GRXCR1: variants seen among roughly 807,000 people sequenced by gnomAD.
GRXCR1 encodes the protein glutaredoxin domain-containing cysteine-rich protein 1.
In GRXCR1, 27 loss-of-function variants were observed where a neutral mutation model predicts 27.3. The ratio of observed to expected loss-of-function variants is 0.99; its 90% CI spans 0.73 to 1.37. GRXCR1 has a LOEUF of 1.37. Among genes scored for constraint, GRXCR1 ranks in the 40% most tolerant of loss-of-function variants. The pLI, the probability that GRXCR1 is intolerant of heterozygous loss-of-function variation, is 0.00. For synonymous variants in GRXCR1, 122 were observed against 131.1 expected, an observed-to-expected ratio of 0.93 and a Z score of 0.47; for missense variants, 379 against 354.4, an observed-to-expected ratio of 1.07 and a Z score of -0.56.
At chr4:42,940,707 A>C (rs1220694204) in intron 1 of GRXCR1, among the ~76,000 whole-genome samples, 1 of 151,994 alleles carries the variant, frequency 6.6e-6, no homozygotes, top group African/African-American at 2.4e-5. Flanking sequence ...GCATTGATAA[A>C]ATCTTTTGTC....
chr4:43,006,951 G>T (rs1198387107), intron 2 of GRXCR1, among the ~76,000 whole-genome samples: 2 of 152,128 alleles, frequency 1.3e-5, no homozygotes, highest in African/African-American at 2.4e-5. Flanking sequence ...AAGGAAAATA[G>T]AAAAGAACCT....
chr4:42,973,459 G>C (rs1048977786), intron 2 of GRXCR1, among the ~76,000 whole-genome samples: 1 of 151,044 alleles, frequency 6.6e-6, no homozygotes, highest in South Asian at 2.1e-4. Context: ...TCATTTTGGG[G>C]GTCCTTGCCG....
At chr4:42,937,876 A>G (rs1408727460) in intron 1 of GRXCR1, among the ~76,000 whole-genome samples, 1 of 152,020 alleles carries the variant, frequency 6.6e-6, no homozygotes, top group African/African-American at 2.4e-5. Flanking sequence ...ATCAATGTAC[A>G]TGAGGTGTCC....
Position 42,956,452 on chromosome 4 carries a change from A to ATT in GRXCR1, c.385-6427_385-6426dup, listed in dbSNP as rs541047034. On this transcript the variant is annotated intron_variant, in intron 1 of 3. Coordinates refer to ENST00000399770, the MANE Select transcript of GRXCR1 (RefSeq NM_001080476.3). ...AATGTAGCAAATGTAGAAGAGGAGG[A>ATT]TTTTTTTTTTTTTTGCCAAAGGCAA... Among the ~76,000 whole-genome samples, 343 of 143,392 alleles carry ATT rather than the reference A, an allele frequency of 2.4e-3. 3 individuals carry two copies. The highest frequency in any genetic ancestry group is 0.01 in the South Asian group (45 of 4,450). The allele number at this position is 143,392 out of a possible 152,430, so 94.1% of individuals were successfully genotyped here. A position where few individuals can be genotyped will look rare whatever the true frequency, so the allele number is the denominator to read the frequency against.
At chr4:43,014,514 C>T (rs1018563185) in intron 2 of GRXCR1, among the ~76,000 whole-genome samples, 1 of 152,140 alleles carries the variant, frequency 6.6e-6, no homozygotes, top group Non-Finnish European at 1.5e-5. Flanking sequence ...CTTTATCAGC[C>T]AGTACTAAAG....
At chr4:43,001,320 A>G (rs16855188) in intron 2 of GRXCR1, among the ~76,000 whole-genome samples, 10,299 of 152,120 alleles carry the variant, frequency 0.068, 542 homozygotes, top group African/African-American at 0.15. Flanking sequence ...ACCTTGGGCA[A>G]GAGCTAAGTC....
intron 2 of GRXCR1, among the ~76,000 whole-genome samples, chr4:42,968,556 GGA>G (rs1214365714): frequency 6.6e-6 from 1 of 151,962 alleles, no homozygotes; most frequent in Non-Finnish European, 1.5e-5. Context: ...AAAGTGCACT[GGA>G]GAGAGTATAA....
chr4:43,020,500 A>T (rs1713060271), intron 3 of GRXCR1, 81 bp downstream of exon 3: 1 of 880,436 alleles, frequency 1.1e-6, no homozygotes, highest in East Asian at 2.5e-5. Flanking sequence ...TCCTAATTGA[A>T]TTCTCTCTCC....
intron 2 of GRXCR1, among the ~76,000 whole-genome samples, chr4:42,974,208 C>T (rs572286234): frequency 6.6e-6 from 1 of 151,930 alleles, no homozygotes; most frequent in Admixed American, 6.6e-5. Context: ...GGGTAGGGGG[C>T]TGGAAAATTG....
At chr4:42,920,770 C>T (rs1012153169) in intron 1 of GRXCR1, among the ~76,000 whole-genome samples, 2 of 152,100 alleles carry the variant, frequency 1.3e-5, no homozygotes, top group Non-Finnish European at 2.9e-5. Context: ...TTACTCTTCT[C>T]TCATTTCCTA....
At chr4:43,010,247 C>G (rs1712703356) in intron 2 of GRXCR1, among the ~76,000 whole-genome samples, 1 of 151,914 alleles carries the variant, frequency 6.6e-6, no homozygotes, top group Non-Finnish European at 1.5e-5. Context: ...ACTAAAAATA[C>G]AAAAACTTAG....
intron 1 of GRXCR1, among the ~76,000 whole-genome samples, chr4:42,926,973 A>G (rs1001336786): frequency 1.3e-5 from 2 of 152,102 alleles, no homozygotes; most frequent in Non-Finnish European, 2.9e-5. Flanking sequence ...GTCATAGACT[A>G]TAAGCTCTGG....
intron 2 of GRXCR1, among the ~76,000 whole-genome samples, chr4:43,005,381 A>G (rs1712523037): frequency 6.6e-6 from 1 of 152,196 alleles, no homozygotes; most frequent in Non-Finnish European, 1.5e-5. Context: ...TTTAGTTGCA[A>G]ATTATACCTG....
chr4:42,970,961 T>G (rs1379136772), intron 2 of GRXCR1, among the ~76,000 whole-genome samples: 2 of 152,150 alleles, frequency 1.3e-5, no homozygotes, highest in African/African-American at 4.8e-5. Flanking sequence ...CTGTATGCTT[T>G]CAGAAACAGC....
intron 2 of GRXCR1, among the ~76,000 whole-genome samples, chr4:43,002,495 CT>C (rs1712405307): frequency 6.6e-6 from 1 of 151,504 alleles, no homozygotes; most frequent in African/African-American, 2.4e-5. Flanking sequence ...GAACTCCTGG[CT>C]GGGTCAAAGT....
At chr4:42,982,055 C>CT (rs200126018) in intron 2 of GRXCR1, among the ~76,000 whole-genome samples, 62,466 of 145,948 alleles carry the variant, frequency 0.43, 13,976 homozygotes, top group African/African-American at 0.6. Flanking sequence ...CTTTCTCCTT[C>CT]TTTTTTTTTT....
chr4:42,971,628 G>C (rs1560669855), intron 2 of GRXCR1, among the ~76,000 whole-genome samples: 1 of 152,008 alleles, frequency 6.6e-6, no homozygotes, highest in East Asian at 1.9e-4. Flanking sequence ...CTCACTCACT[G>C]TCATGAGAAC....
Position 42,916,287 on chromosome 4 carries a change from C to A in GRXCR1, c.384+22637C>A, listed in dbSNP as rs544076999. On this transcript the variant is annotated intron_variant, in intron 1 of 3. Coordinates refer to ENST00000399770, the MANE Select transcript of GRXCR1 (RefSeq NM_001080476.3). ...AGACTGGATTAATTCATTTAGCCTT[C>A]ATTAAAGGCTAAATGGTAGTTAAAG... 9.9e-5 allele frequency among the ~76,000 whole-genome samples: 15 copies of A among 152,140 alleles called. No individual in the cohort carries two copies. In the South Asian group the frequency reaches 3.1e-3, roughly 32 times the overall value.
chr4:43,023,122 G>A (rs144671781), intron 3 of GRXCR1, among the ~76,000 whole-genome samples: 1 of 152,276 alleles, frequency 6.6e-6, no homozygotes, highest in African/African-American at 2.4e-5. Context: ...TGACTATACT[G>A]TGGCAGGACA....
Sources: gnomAD v4.1 joint callset for allele counts (sites outside exome capture counted in the v4.1 genomes callset) on GRCh38, gnomAD v4.1.1 for gene constraint, MANE v1.5 for transcripts, NCBI Gene and HGNC (gene_info 2026-07-23, HGNC 2026-07-21) for gene names.